The following BCL2L15 variants were observed in gnomAD, a reference collection of about 807,000 sequenced individuals.
The protein encoded by BCL2L15 is BCL2 like 15, also known as bcl-2-like protein 15.
Under a neutral mutation model 18.3 loss-of-function variants are expected in BCL2L15, and 15 were observed. The observed-to-expected ratio is 0.82, with a 90% CI of 0.55 to 1.26. The LOEUF is 1.26. Ranked by LOEUF, BCL2L15 falls within the 50% of genes most tolerant of loss-of-function variation. The pLI, the probability that BCL2L15 is intolerant of heterozygous loss-of-function variation, is 0.00. For missense variants in BCL2L15, 180 were observed against 201.7 expected (o/e 0.89, Z 0.65); for synonymous variants, 58 against 68.5 (o/e 0.85, Z 0.76).
chr1:113,887,317 A>G lies in BCL2L15; in HGVS notation c.59T>C (p.Met20Thr). The change falls in exon 1 of 4, where the codon ATG (methionine) becomes ACG (threonine). Residue 20 changes from methionine to threonine, a missense_variant. Transcript: ENST00000393316. ...QTECIVNTLL[M>T]DFLSPTLQVA... Reference sequence around the variant, plus strand: ...CTGCAATGTTGGGCTCAAGAAGTCCATGAGTAGAGTGTTCACAATGCATTC... The same window carrying G: ...CTGCAATGTTGGGCTCAAGAAGTCCGTGAGTAGAGTGTTCACAATGCATTC... The G allele has an allele frequency of 6.2e-7, 1 of 1,614,210 alleles. No homozygotes were observed. Among genetic ancestry groups the G allele is most frequent in the Non-Finnish European group, 8.5e-7 (1 of 1,180,020 alleles).
At chr1:113,885,144 T>C (rs1571513720) in intron 2 of BCL2L15, among the ~76,000 whole-genome samples, 1 of 151,704 alleles carries the variant, frequency 6.6e-6, no homozygotes, top group Non-Finnish European at 1.5e-5. Context: ...TTAGTAGAGA[T>C]GGGGTTTCAC....
At position 113,881,294 on chromosome 1, in the gene BCL2L15, A is replaced by G. The variant is rs113732775; in HGVS notation, c.475-154T>C. ...ATGGAAAGGAGTGCTCTATGACAGC[A>G]TAAGTTCTGATGATTACTAAAACAT... On this transcript the variant is annotated intron_variant, in intron 3 of 3. Transcript: ENST00000393316. 455 of 1,175,928 alleles carry G rather than the reference A, an allele frequency of 3.9e-4. No individual in the cohort carries two copies. In the African/African-American group the frequency reaches 6.3e-3, roughly 16 times the overall value. The allele number at this position is 1,175,928 out of a possible 1,614,324, so 72.8% of individuals were successfully genotyped here. A position where few individuals can be genotyped will look rare whatever the true frequency, so the allele number is the denominator to read the frequency against.
In BCL2L15 at chr1:113,881,071, C is replaced by T. The variant is rs771502963; in HGVS notation, c.*52G>A. 1 of 1,612,992 alleles carries T rather than the reference C, an allele frequency of 6.2e-7. No homozygotes were observed. On this transcript the variant is annotated 3_prime_UTR_variant, in exon 4 of 4. Transcript: ENST00000393316. ...GTTTGAATTCCCAGGAATCAATCAC[C>T]CAATCAGTCAACAAGGAAGTGATGT...
Position 113,887,343 on chromosome 1 carries a change from C to T in BCL2L15, c.33G>A (p.Thr11=), listed in dbSNP as rs199687942. MKSSQTFEEQ[T]ECIVNTLLMD... is the part of the protein sequence containing the mutation. ...TGAGTAGAGTGTTCACAATGCATTC[C>T]GTTTGTTCCTCAAAAGTTTGGGAGC... is the stretch of plus-strand genomic sequence containing the variant. The change falls in exon 1 of 4, where the codon ACG becomes ACA. Residue 11 remains threonine, a synonymous_variant. Transcript: ENST00000393316. 3.7e-6 allele frequency: 6 copies of T among 1,614,104 alleles called. No individual in the cohort carries two copies. Among genetic ancestry groups the T allele is most frequent in the Non-Finnish European group, 5.1e-6 (6 of 1,179,964 alleles).
At chr1:113,885,367 T>A (rs1040681446) in intron 2 of BCL2L15, among the ~76,000 whole-genome samples, 1 of 152,096 alleles carries the variant, frequency 6.6e-6, no homozygotes, top group Admixed American at 6.6e-5. Context: ...CTGAACATAG[T>A]GTAGGCACAC....
chr1:113,879,380 C>T lies in BCL2L15; in HGVS notation c.*1743G>A, dbSNP rs1666804742. 1 of 152,326 alleles carries T rather than the reference C, an allele frequency of 6.6e-6. No homozygotes were observed. Among genetic ancestry groups the T allele is most frequent in the South Asian group, 2.1e-4 (1 of 4,830 alleles). 9.4% of individuals were successfully genotyped at this position (152,326 alleles called of 1,614,324 possible). On this transcript the variant is annotated 3_prime_UTR_variant, in exon 4 of 4. Transcript: ENST00000393316. ...GGAGTCTCTACCTGATGACTGCCTA[C>T]TAATCTATTAGATCATTAAGGACTA...
chr1:113,883,435 T>C (rs1558070629), intron 2 of BCL2L15, among the ~76,000 whole-genome samples: 1 of 150,594 alleles, frequency 6.6e-6, no homozygotes, highest in South Asian at 2.1e-4. Context: ...AGAGCCGAGA[T>C]TGCGCCATTG....
At chr1:113,884,862 C>A (rs1475450386) in intron 2 of BCL2L15, among the ~76,000 whole-genome samples, 1 of 151,878 alleles carries the variant, frequency 6.6e-6, no homozygotes, top group East Asian at 1.9e-4. Context: ...GCAAACTCCC[C>A]CTCCCTGTCA....
intron 2 of BCL2L15, among the ~76,000 whole-genome samples, chr1:113,884,566 G>A (rs979082953): frequency 1.3e-5 from 2 of 152,144 alleles, no homozygotes; most frequent in Non-Finnish European, 2.9e-5. Context: ...GGTTTTGATG[G>A]TTAGATTGTG....
At chr1:113,881,392 T>C (rs1666875679) in intron 3 of BCL2L15, 1 of 1,144,762 alleles carries the variant, frequency 8.7e-7, no homozygotes, top group Non-Finnish European at 1.2e-6. Flanking sequence ...AAGGTGATTC[T>C]GACTTCCCTA....
At chr1:113,886,741 T>C in intron 1 of BCL2L15, 83 bp from the exon 2 acceptor site, 1 of 1,362,438 alleles carries the variant, frequency 7.3e-7, no homozygotes, top group Non-Finnish European at 9.9e-7. Context: ...AAATTTGTCT[T>C]GTCTTTTAAA....
intron 2 of BCL2L15, among the ~76,000 whole-genome samples, chr1:113,884,658 A>G (rs1401265763): frequency 6.6e-6 from 1 of 152,214 alleles, no homozygotes; most frequent in African/African-American, 2.4e-5. Flanking sequence ...TTACTGTCAA[A>G]TGATTCAAGA....
chr1:113,877,345 A>G lies in BCL2L15; in HGVS notation c.*3778T>C, dbSNP rs1666754292. Among the ~76,000 whole-genome samples the G allele has an allele frequency of 6.6e-6, 1 of 151,662 alleles. No individual in the cohort carries two copies. The highest frequency in any genetic ancestry group is 1.5e-5 in the Non-Finnish European group (1 of 67,918). ...AGGTTTTTTTTTTTTTTTTAAAAAA[A>G]ACAACCTTATTAAGGTAGTGCTGAT... is the stretch of plus-strand genomic sequence containing the variant. On this transcript the variant is annotated 3_prime_UTR_variant, in exon 4 of 4. Transcript: ENST00000393316.
Position 113,887,358 on chromosome 1 carries a change from AG to A in BCL2L15, c.17del (p.Thr6IlefsTer10), listed in dbSNP as rs767090830. The A allele has an allele frequency of 1.9e-6, 3 of 1,614,048 alleles. No individual in the cohort carries two copies. Among genetic ancestry groups the A allele is most frequent in the Non-Finnish European group, 2.5e-6 (3 of 1,180,004 alleles). On this transcript the variant is annotated frameshift_variant, in exon 1 of 4. Coordinates refer to ENST00000393316, the MANE Select transcript of BCL2L15 (RefSeq NM_001010922.3). LOFTEE classifies it high-confidence loss of function. MKSSQ[T>X]FEEQTECIVN... ...CAATGCATTCCGTTTGTTCCTCAAA[AG>A]TTTGGGAGCTCTTCATTTTAGATGT...
In BCL2L15 at chr1:113,879,818, G is replaced by C. The variant is rs1221413519; in HGVS notation, c.*1305C>G. 1.3e-5 allele frequency: 2 copies of C among 152,180 alleles called. No homozygotes were observed. Among genetic ancestry groups the C allele is most frequent in the Non-Finnish European group, 2.9e-5 (2 of 68,024 alleles). 9.4% of individuals were successfully genotyped at this position (152,180 alleles called of 1,614,324 possible). ...GGCCATGGACAATATGTAAACAAGT[G>C]AATGTTGCTCTATTCCAATAAAACT... On this transcript the variant is annotated 3_prime_UTR_variant, in exon 4 of 4. Coordinates refer to ENST00000393316, the MANE Select transcript of BCL2L15 (RefSeq NM_001010922.3).
intron 2 of BCL2L15, among the ~76,000 whole-genome samples, chr1:113,884,049 T>A (rs1666961291): frequency 6.6e-6 from 1 of 152,162 alleles, no homozygotes; most frequent in Non-Finnish European, 1.5e-5. Context: ...ATGAATGCAA[T>A]GAAATTTTGA....
chr1:113,880,016 A>AG lies in BCL2L15; in HGVS notation c.*1106dup, dbSNP rs1362231354. 10 of 152,204 alleles carry AG rather than the reference A, an allele frequency of 6.6e-5. No homozygotes were observed. Among genetic ancestry groups the AG allele is most frequent in the Non-Finnish European group, 1.3e-4 (9 of 68,026 alleles). The allele number at this position is 152,204 out of a possible 1,614,324, so 9.4% of individuals were successfully genotyped here. A position where few individuals can be genotyped will look rare whatever the true frequency, so the allele number is the denominator to read the frequency against. On this transcript the variant is annotated 3_prime_UTR_variant, in exon 4 of 4. Transcript: ENST00000393316. ...CTACCCCTACAGAATCAGAATCTCT[A>AG]GGAATGCGAATCAGCAATTCAATAA...
Position 113,879,055 on chromosome 1 carries a change from T to C in BCL2L15, c.*2068A>G, listed in dbSNP as rs1032523172. 3 of 152,186 alleles carry C rather than the reference T, an allele frequency of 2.0e-5. No homozygotes were observed. The highest frequency in any genetic ancestry group is 7.2e-5 in the African/African-American group (3 of 41,448). The allele number at this position is 152,186 out of a possible 1,614,324, so 9.4% of individuals were successfully genotyped here. A position where few individuals can be genotyped will look rare whatever the true frequency, so the allele number is the denominator to read the frequency against. On this transcript the variant is annotated 3_prime_UTR_variant, in exon 4 of 4. Transcript: ENST00000393316. ...TAGCAGAGACAGGGTTTCACCATGTTGGCCAGGCTGGTCTCAAACTCCTAA... is the reference window on the plus strand; with the variant it reads ...TAGCAGAGACAGGGTTTCACCATGTCGGCCAGGCTGGTCTCAAACTCCTAA...
rs1045418750 is a variant in BCL2L15, at chr1:113,878,992, G to C, written c.*2131C>G. The stretch of plus-strand genomic sequence containing the variant: ...AGCCTCCTGAGTAGCTGGCATTACA[G>C]GCACGTGCCACCAAGCCTGGCTAAT... On this transcript the variant is annotated 3_prime_UTR_variant, in exon 4 of 4. Coordinates refer to ENST00000393316, the MANE Select transcript of BCL2L15 (RefSeq NM_001010922.3). The C allele has an allele frequency of 1.3e-5, 2 of 152,146 alleles. No homozygotes were observed. Among genetic ancestry groups the C allele is most frequent in the African/African-American group, 4.8e-5 (2 of 41,404 alleles). 9.4% of individuals were successfully genotyped at this position (152,146 alleles called of 1,614,324 possible).
Sources: allele counts gnomAD v4.1 joint callset (sites outside exome capture counted in the v4.1 genomes callset), GRCh38; gene constraint gnomAD v4.1.1; transcripts MANE v1.5; gene names NCBI Gene and HGNC (gene_info 2026-07-23, HGNC 2026-07-21).